INO80: variants seen among roughly 807,000 people sequenced by gnomAD.
The protein encoded by INO80 is INO80 complex ATPase subunit.
INO80 carries 20 observed loss-of-function variants against 203.4 expected under a neutral mutation model. That is an observed-to-expected ratio of 0.10 (90% CI 0.07 to 0.14). INO80 has a LOEUF of 0.14. Ranked by LOEUF, INO80 falls within the 10% of genes least tolerant of loss-of-function variation. The pLI is 1.00. For synonymous variants in INO80, 726 were observed against 685.2 expected (o/e 1.06, Z -0.93); for missense variants, 1,419 against 1,914.4 (o/e 0.74, Z 4.83).
intron 24 of INO80, among the ~76,000 whole-genome samples, chr15:41,036,516 A>T (rs2044578979): frequency 6.7e-6 from 1 of 150,004 alleles, no homozygotes; most frequent in South Asian, 2.1e-4. Flanking sequence ...AACCCCTAGA[A>T]GTTAGTGCTC....
Position 41,074,576 on chromosome 15 carries a change from A to T in INO80, c.1132-11T>A, listed in dbSNP as rs745824886. 1 of 1,578,566 alleles carries T rather than the reference A, an allele frequency of 6.3e-7. No homozygotes were observed. The highest frequency in any genetic ancestry group is 1.2e-5 in the South Asian group (1 of 86,188). On this transcript the variant is annotated splice_polypyrimidine_tract_variant and intron_variant, in intron 9 of 35. Transcript: ENST00000648947. Reference sequence around the variant, plus strand: ...CTGTTGCCTCTTGGCCTAAAGAGGGAAAAAAGTGAAAACAGAGCCAAATTA... The same window carrying T: ...CTGTTGCCTCTTGGCCTAAAGAGGGTAAAAAGTGAAAACAGAGCCAAATTA...
chr15:41,072,767 G>A (rs553123909), intron 11 of INO80, among the ~76,000 whole-genome samples: 2 of 150,142 alleles, frequency 1.3e-5, no homozygotes, highest in African/African-American at 4.9e-5. Flanking sequence ...CTCTTAACAA[G>A]CCAAGAGTGT....
chr15:41,064,894 G>A (rs1306550802), intron 14 of INO80, among the ~76,000 whole-genome samples: 1 of 152,048 alleles, frequency 6.6e-6, no homozygotes, highest in Non-Finnish European at 1.5e-5. Context: ...TTACACGGGA[G>A]CTTGAGGCAG....
At chr15:41,092,581 A>C (rs140928570) in intron 4 of INO80, among the ~76,000 whole-genome samples, 6 of 152,298 alleles carry the variant, frequency 3.9e-5, no homozygotes, top group African/African-American at 1.4e-4. Context: ...GAAATATCCC[A>C]AATATCCATT....
intron 9 of INO80, among the ~76,000 whole-genome samples, chr15:41,075,508 G>C (rs908833053): frequency 6.6e-6 from 1 of 152,112 alleles, no homozygotes; most frequent in Non-Finnish European, 1.5e-5. Context: ...AGGCTGGAGT[G>C]CAGTGGCGTG....
chr15:40,982,121 G>A (rs1893853814), intron 35 of INO80, among the ~76,000 whole-genome samples: 1 of 152,132 alleles, frequency 6.6e-6, no homozygotes, highest in South Asian at 2.1e-4. Flanking sequence ...ATACACTCAG[G>A]AGCAAGGTCC....
In INO80 at chr15:41,051,412, A is replaced by G. The variant is rs146432096; in HGVS notation, c.2275-1310T>C. 5.0e-4 allele frequency among the ~76,000 whole-genome samples: 76 copies of G among 151,704 alleles called. 1 individual carries two copies. The highest frequency in any genetic ancestry group is 9.1e-4 in the Non-Finnish European group (62 of 67,956). On this transcript the variant is annotated intron_variant, in intron 19 of 35. Transcript: ENST00000648947. The stretch of plus-strand genomic sequence containing the variant: ...CTCTAACTTTCCCTAGCAAAACTAT[A>G]GTAAGATAGGAAACGCTAAATGATG...
At chr15:41,071,353 G>T (rs1005410919) in intron 12 of INO80, among the ~76,000 whole-genome samples, 1 of 151,464 alleles carries the variant, frequency 6.6e-6, no homozygotes, top group South Asian at 2.1e-4. Flanking sequence ...CCATTAACTC[G>T]TCATTTACAT....
chr15:41,079,743 C>T lies in INO80; in HGVS notation c.1089G>A (p.Lys363=), dbSNP rs1379832277. The T allele has an allele frequency of 3.7e-6, 6 of 1,614,190 alleles. No homozygotes were observed. Among genetic ancestry groups the T allele is most frequent in the Non-Finnish European group, 5.1e-6 (6 of 1,180,028 alleles). The change falls in exon 9 of 36, where the codon AAG becomes AAA. Residue 363 remains lysine (K), a synonymous_variant. Transcript: ENST00000648947. ...CCAACTTCCGCTGCTCCAAAGCTTC[C>T]TTCTCTGCTCTCTTGCGGTGCTCCT... The part of the protein sequence containing the change: ...VEKEHRKRAE[K]EALEQRKLDE...
intron 28 of INO80, chr15:41,004,969 T>C: frequency 6.6e-6 from 1 of 152,062 alleles, no homozygotes; most frequent in Non-Finnish European, 1.5e-5. Context: ...TGGAAGTGGG[T>C]GGATCACTTG....
chr15:41,005,866 T>C (rs2044033269), intron 27 of INO80, among the ~76,000 whole-genome samples, 179 bp from the exon 28 acceptor site: 1 of 151,092 alleles, frequency 6.6e-6, no homozygotes, highest in Admixed American at 6.6e-5. Flanking sequence ...TTACTGCCAA[T>C]GTGTGAAAAT....
At chr15:41,084,416 G>A (rs751883598) in intron 7 of INO80, among the ~76,000 whole-genome samples, 2 of 152,026 alleles carry the variant, frequency 1.3e-5, no homozygotes, top group Non-Finnish European at 2.9e-5. Flanking sequence ...AAAATTAGCT[G>A]GGCATGGTGG....
intron 5 of INO80, 23 bp from the exon 6 acceptor site, chr15:41,087,705 TG>T: frequency 6.2e-7 from 1 of 1,601,310 alleles, no homozygotes. Context: ...AAGACCATGA[TG>T]GGCCTGTTTT....
At chr15:40,988,748 C>T (rs1342598546) in intron 29 of INO80, among the ~76,000 whole-genome samples, 2 of 152,214 alleles carry the variant, frequency 1.3e-5, no homozygotes, top group East Asian at 1.9e-4. Context: ...GGCTTGGTGG[C>T]TCACGCCTGT....
At chr15:41,015,774 TAAA>T (rs999539137) in intron 27 of INO80, among the ~76,000 whole-genome samples, 2,805 of 92,998 alleles carry the variant, frequency 0.03, 114 homozygotes, top group African/African-American at 0.12. Flanking sequence ...CATCTCTACT[TAAA>T]AAAAAAAAAA....
At chr15:41,038,649 A>G (rs1027619471) in intron 24 of INO80, among the ~76,000 whole-genome samples, 1 of 152,184 alleles carries the variant, frequency 6.6e-6, no homozygotes. Context: ...CCATATCCAA[A>G]CTGATCAAAG....
intron 29 of INO80, among the ~76,000 whole-genome samples, chr15:40,989,859 A>G (rs1461107565): frequency 6.6e-6 from 1 of 152,204 alleles, no homozygotes; most frequent in Non-Finnish European, 1.5e-5. Context: ...CTGGCTTATA[A>G]TACATTTGTG....
At chr15:40,995,058 G>A (rs1427765097) in intron 29 of INO80, among the ~76,000 whole-genome samples, 1 of 151,992 alleles carries the variant, frequency 6.6e-6, no homozygotes, top group African/African-American at 2.4e-5. Flanking sequence ...GTTTCACCAT[G>A]CAGGCCAGGC....
intron 14 of INO80, among the ~76,000 whole-genome samples, chr15:41,062,112 T>C (rs1473992949): frequency 2.0e-5 from 3 of 152,012 alleles, no homozygotes; most frequent in East Asian, 3.8e-4. Flanking sequence ...ATAAAATATA[T>C]AAGCAATAAT....
Sources: gnomAD v4.1 joint callset for allele counts (sites outside exome capture counted in the v4.1 genomes callset) on GRCh38, gnomAD v4.1.1 for gene constraint, MANE v1.5 for transcripts, NCBI Gene and HGNC (gene_info 2026-07-23, HGNC 2026-07-21) for gene names.